Variants in WDR20 observed in about 807,000 individuals in gnomAD.
WDR20 encodes WD repeat domain 20.
WDR20 carries 3 observed loss-of-function variants against 38.7 expected under a neutral mutation model. That is an observed-to-expected ratio of 0.08 (90% CI 0.04 to 0.20). The LOEUF (loss-of-function observed/expected upper bound fraction) is 0.20. Ranked by LOEUF, WDR20 falls within the 10% of genes least tolerant of loss-of-function variation. The pLI is 1.00. For synonymous variants in WDR20, 298 were observed against 285.6 expected (o/e 1.04, Z -0.44); for missense variants, 559 against 727.7 (o/e 0.77, Z 2.67).
downstream of WDR20, chr14:102,212,885 A>G (rs2062734169): frequency 2.6e-6 from 3 of 1,149,518 alleles, no homozygotes; most frequent in Non-Finnish European, 2.2e-6. Context: ...TCTGTGGAAT[A>G]AAACACAGCA....
chr14:102,193,366 C>T (rs1247350330), intron 1 of WDR20: 3 of 1,322,540 alleles, frequency 2.3e-6, no homozygotes, highest in Middle Eastern at 1.8e-4. Flanking sequence ...CGCTTTTCTC[C>T]TCGCTCCAGT....
intron 1 of WDR20, among the ~76,000 whole-genome samples, chr14:102,175,345 A>T (rs909078083): frequency 6.6e-6 from 1 of 152,152 alleles, no homozygotes; most frequent in African/African-American, 2.4e-5. Context: ...GCTTTGTTGA[A>T]GATCAGTTGG....
chr14:102,146,828 A>G (rs2053825921), intron 1 of WDR20, among the ~76,000 whole-genome samples: 1 of 152,104 alleles, frequency 6.6e-6, no homozygotes, highest in South Asian at 2.1e-4. Flanking sequence ...CTCCCCTTTT[A>G]TAATTTAGAA....
downstream of WDR20, among the ~76,000 whole-genome samples, chr14:102,218,154 G>A (rs1250550568): frequency 6.6e-6 from 1 of 152,240 alleles, no homozygotes; most frequent in Non-Finnish European, 1.5e-5. Context: ...GCCATGAAAC[G>A]GGTCCCAGGG....
intron 2 of WDR20, among the ~76,000 whole-genome samples, chr14:102,200,452 T>C (rs1173424465): frequency 2.3e-5 from 3 of 129,088 alleles, no homozygotes; most frequent in East Asian, 4.0e-4. Flanking sequence ...GAGTTTACTT[T>C]TTAAATTTTT....
intron 2 of WDR20, chr14:102,198,308 G>T: frequency 3.0e-6 from 1 of 333,022 alleles, no homozygotes; most frequent in African/African-American, 2.2e-5. Flanking sequence ...AGTAGAGACG[G>T]GATTTCACCA....
At chr14:102,156,938 G>A (rs979301866) in intron 1 of WDR20, among the ~76,000 whole-genome samples, 1 of 151,942 alleles carries the variant, frequency 6.6e-6, no homozygotes, top group Admixed American at 6.6e-5. Context: ...TTGAGTGAGC[G>A]GAGATCCGCG....
chr14:102,213,772 T>C (rs546735621), downstream of WDR20: 18 of 985,404 alleles, frequency 1.8e-5, no homozygotes, highest in East Asian at 2.0e-3. Flanking sequence ...TCATCACCTC[T>C]CGCCTGGGAG....
intron 2 of WDR20, among the ~76,000 whole-genome samples, chr14:102,205,811 T>C (rs2061433149): frequency 6.6e-6 from 1 of 152,096 alleles, no homozygotes; most frequent in Admixed American, 6.5e-5. Flanking sequence ...TCGGTTTTTT[T>C]TTTTTTTGGT....
downstream of WDR20, among the ~76,000 whole-genome samples, chr14:102,224,273 C>G (rs1240636898): frequency 6.6e-6 from 1 of 151,924 alleles, no homozygotes; most frequent in Non-Finnish European, 1.5e-5. Flanking sequence ...ATCTCCTGAC[C>G]TCGTGATCCG....
intron 1 of WDR20, among the ~76,000 whole-genome samples, chr14:102,148,455 G>A (rs2054455224): frequency 6.6e-6 from 1 of 151,656 alleles, no homozygotes; most frequent in African/African-American, 2.4e-5. Context: ...TGGGAGAATT[G>A]CTGGAGCCTG....
chr14:102,159,689 C>T (rs1264051470), intron 1 of WDR20, among the ~76,000 whole-genome samples: 3 of 151,822 alleles, frequency 2.0e-5, no homozygotes, highest in Admixed American at 6.6e-5. Context: ...AAAAGATCAA[C>T]GAGGAGTGGT....
intron 1 of WDR20, among the ~76,000 whole-genome samples, chr14:102,182,928 G>C (rs543245994): frequency 6.6e-6 from 1 of 151,540 alleles, no homozygotes; most frequent in East Asian, 1.9e-4. Flanking sequence ...TAATATACAG[G>C]TGGTACATAC....
chr14:102,139,714 G>A, upstream of WDR20: 1 of 748,196 alleles, frequency 1.3e-6, no homozygotes, highest in South Asian at 1.9e-5. Context: ...ACGCCCAGTC[G>A]GGTGGAGCAC....
At chr14:102,202,460 A>C (rs1224298021) in intron 2 of WDR20, among the ~76,000 whole-genome samples, 1 of 145,198 alleles carries the variant, frequency 6.9e-6, no homozygotes, top group Non-Finnish European at 1.5e-5. Context: ...GCTCACTGCA[A>C]ACCTCTGCCT....
At chr14:102,189,064 G>A (rs2065637453) in intron 1 of WDR20, among the ~76,000 whole-genome samples, 1 of 151,390 alleles carries the variant, frequency 6.6e-6, no homozygotes, top group African/African-American at 2.4e-5. Context: ...ACAAAAATTA[G>A]CTGGGCGTGG....
At chr14:102,160,085 CAG>C (rs1460771111) in intron 1 of WDR20, among the ~76,000 whole-genome samples, 2 of 152,146 alleles carry the variant, frequency 1.3e-5, no homozygotes, top group Non-Finnish European at 2.9e-5. Context: ...CCCTGAGTAA[CAG>C]AGCGAAACCC....
intron 1 of WDR20, among the ~76,000 whole-genome samples, chr14:102,154,393 G>A (rs890720385): frequency 6.6e-6 from 1 of 152,096 alleles, no homozygotes; most frequent in African/African-American, 2.4e-5. Flanking sequence ...GAGGGGGAAG[G>A]CAGCTCTGTG....
upstream of WDR20, chr14:102,139,575 C>T (rs116641992): frequency 5.5e-6 from 4 of 733,460 alleles, no homozygotes; most frequent in East Asian, 2.7e-5. Context: ...CGCCGCGGTT[C>T]CCCCTGACCG....
Sources: allele counts gnomAD v4.1 joint callset (sites outside exome capture counted in the v4.1 genomes callset), GRCh38; gene constraint gnomAD v4.1.1; transcripts MANE v1.5; gene names NCBI Gene and HGNC (gene_info 2026-07-23, HGNC 2026-07-21).